The following CNTN5 variants were observed in gnomAD, a reference collection of about 807,000 sequenced individuals.
The protein encoded by CNTN5 is contactin 5, also known as contactin-5.
CNTN5 carries 77 observed loss-of-function variants against 129.1 expected under a neutral mutation model. That is an observed-to-expected ratio of 0.60 (90% CI 0.50 to 0.72). The LOEUF (loss-of-function observed/expected upper bound fraction) is 0.72, where lower values mean the gene tolerates loss of function less well. CNTN5 is among the 30% of genes least tolerant of loss of function. The pLI is 0.00. For synonymous variants in CNTN5, 509 were observed against 465.6 expected (o/e 1.09, Z -1.20); for missense variants, 1,478 against 1,328.8 (o/e 1.11, Z -1.75).
chr11:99,467,714 A>ATACT (rs1177535510), intron 2 of CNTN5, among the ~76,000 whole-genome samples: 1 of 152,120 alleles, frequency 6.6e-6, no homozygotes, highest in Non-Finnish European at 1.5e-5. Context: ...TTCATTTATA[A>ATACT]TACTTAACTA....
chr11:99,096,699 A>G (rs1274118069), intron 1 of CNTN5, among the ~76,000 whole-genome samples: 3 of 151,800 alleles, frequency 2.0e-5, no homozygotes, highest in African/African-American at 4.8e-5. Flanking sequence ...GTAGGCTATT[A>G]TTAGACTTTC....
chr11:99,182,943 TA>T (rs1338698802), intron 1 of CNTN5, among the ~76,000 whole-genome samples: 1 of 148,802 alleles, frequency 6.7e-6, no homozygotes, highest in East Asian at 2.4e-4. Context: ...TAATCATTAA[TA>T]GTTTATTAGT....
intron 1 of CNTN5, among the ~76,000 whole-genome samples, chr11:99,285,603 AAAAG>A (rs199512303): frequency 0.016 from 2,463 of 152,042 alleles, 74 homozygotes; most frequent in African/African-American, 0.057. Context: ...GAAAAAAAAA[AAAAG>A]AAATGAAGAT....
intron 1 of CNTN5, among the ~76,000 whole-genome samples, chr11:99,258,401 G>T (rs1043473214): frequency 8.6e-5 from 13 of 151,758 alleles, no homozygotes; most frequent in African/African-American, 3.1e-4. Context: ...GCTATATTTG[G>T]TTTTCTGTCC....
At chr11:99,815,307 T>C (rs1464134139) in intron 3 of CNTN5, among the ~76,000 whole-genome samples, 2 of 150,994 alleles carry the variant, frequency 1.3e-5, no homozygotes, top group African/African-American at 2.4e-5. Flanking sequence ...TGAAACAACA[T>C]TTCCCACTTA....
At chr11:99,937,418 TC>T (rs1950339029) in intron 7 of CNTN5, among the ~76,000 whole-genome samples, 1 of 152,224 alleles carries the variant, frequency 6.6e-6, no homozygotes. Context: ...CTGGAACCGT[TC>T]TTCCCCTCAG....
chr11:99,650,843 C>T (rs1952128347), intron 3 of CNTN5, among the ~76,000 whole-genome samples: 1 of 151,656 alleles, frequency 6.6e-6, no homozygotes, highest in African/African-American at 2.4e-5. Context: ...AGCTAAATGC[C>T]CTAATTATTA....
chr11:99,941,964 C>G (rs943184101), intron 7 of CNTN5, among the ~76,000 whole-genome samples: 3 of 151,932 alleles, frequency 2.0e-5, no homozygotes, highest in Non-Finnish European at 4.4e-5. Context: ...TTTCACTAAA[C>G]TTAAAATAAC....
chr11:99,441,037 C>A (rs374031752), intron 2 of CNTN5, among the ~76,000 whole-genome samples: 65 of 152,178 alleles, frequency 4.3e-4, no homozygotes, highest in African/African-American at 1.4e-3. Context: ...CCAGGTTGGT[C>A]TGAAACACAT....
intron 2 of CNTN5, among the ~76,000 whole-genome samples, chr11:99,355,082 C>T (rs901624181): frequency 9.9e-5 from 15 of 152,212 alleles, no homozygotes; most frequent in African/African-American, 2.2e-4. Flanking sequence ...TATTTAAATC[C>T]GTTTTGAAAT....
At chr11:99,080,648 T>A (rs1339373029) in intron 1 of CNTN5, among the ~76,000 whole-genome samples, 1 of 152,142 alleles carries the variant, frequency 6.6e-6, no homozygotes, top group Non-Finnish European at 1.5e-5. Context: ...TTTTTGGACT[T>A]GGGAATGGGA....
At chr11:99,944,304 G>C (rs1462719134) in intron 7 of CNTN5, among the ~76,000 whole-genome samples, 1 of 151,970 alleles carries the variant, frequency 6.6e-6, no homozygotes, top group South Asian at 2.1e-4. Flanking sequence ...AAAGCTAGCA[G>C]GAGACAAGAA....
At chr11:100,038,106 G>A (rs1942140220) in intron 9 of CNTN5, among the ~76,000 whole-genome samples, 2 of 152,096 alleles carry the variant, frequency 1.3e-5, no homozygotes, top group African/African-American at 4.8e-5. Context: ...TGGGCATTTA[G>A]TGCTATAAAT....
intron 4 of CNTN5, among the ~76,000 whole-genome samples, chr11:99,834,279 G>A (rs998732153): frequency 6.6e-6 from 1 of 151,830 alleles, no homozygotes; most frequent in Non-Finnish European, 1.5e-5. Context: ...GCATTCACGG[G>A]GATTTTTATG....
intron 2 of CNTN5, among the ~76,000 whole-genome samples, chr11:99,485,633 A>T (rs1327280196): frequency 6.6e-6 from 1 of 152,066 alleles, no homozygotes; most frequent in Non-Finnish European, 1.5e-5. Context: ...CTGCGGAATA[A>T]AAATATATAC....
intron 1 of CNTN5, among the ~76,000 whole-genome samples, chr11:99,256,248 G>A (rs142231954): frequency 3.3e-5 from 5 of 152,108 alleles, no homozygotes; most frequent in Non-Finnish European, 7.4e-5. Context: ...TGGACATCTA[G>A]ACCCTTTATA....
chr11:99,717,365 CAA>C (rs1955284674), intron 3 of CNTN5, among the ~76,000 whole-genome samples: 1 of 152,040 alleles, frequency 6.6e-6, no homozygotes, highest in South Asian at 2.1e-4. Context: ...AATAAATTTT[CAA>C]AAGAGTTGTA....
chr11:99,200,553 G>A (rs900486435), intron 1 of CNTN5, among the ~76,000 whole-genome samples: 1 of 152,286 alleles, frequency 6.6e-6, no homozygotes, highest in Non-Finnish European at 1.5e-5. Context: ...GTGGCTGCAC[G>A]CATATGCAGC....
intron 3 of CNTN5, among the ~76,000 whole-genome samples, chr11:99,758,415 G>C (rs1253774736): frequency 6.6e-6 from 1 of 151,894 alleles, no homozygotes; most frequent in African/African-American, 2.4e-5. Context: ...AGCATTATTA[G>C]GAAAATGAAT....
Sources: allele counts gnomAD v4.1 joint callset (sites outside exome capture counted in the v4.1 genomes callset), GRCh38; gene constraint gnomAD v4.1.1; transcripts MANE v1.5; gene names NCBI Gene and HGNC (gene_info 2026-07-23, HGNC 2026-07-21).